Variants in PLBD2 observed in about 807,000 individuals in gnomAD.
PLBD2 encodes putative aminopeptidase PLBD2.
A neutral mutation model predicts 68.3 loss-of-function variants in PLBD2; 51 were observed. That is an observed-to-expected ratio of 0.75 (90% CI 0.60 to 0.94). PLBD2 has a LOEUF of 0.94. Ranked by LOEUF, PLBD2 falls within the 40% of genes least tolerant of loss-of-function variation. The pLI is 0.00. For synonymous variants in PLBD2, 314 were observed against 339.3 expected, an observed-to-expected ratio of 0.93 and a Z score of 0.82; for missense variants, 729 against 792.2, an observed-to-expected ratio of 0.92 and a Z score of 0.96.
At chr12:113,377,232 C>G (rs1957444391) in intron 5 of PLBD2, 1 of 152,170 alleles carries the variant, frequency 6.6e-6, no homozygotes, top group East Asian at 1.9e-4. Flanking sequence ...TAAGTAAACT[C>G]TAAATTGACA....
At chr12:113,360,049 C>T (rs559233146) in intron 1 of PLBD2, among the ~76,000 whole-genome samples, 31 of 152,366 alleles carry the variant, frequency 2.0e-4, no homozygotes, top group Admixed American at 5.2e-4. Flanking sequence ...ATCCATTTTA[C>T]TGGCATCCAT....
chr12:113,368,471 C>A (rs1308440725), intron 1 of PLBD2, among the ~76,000 whole-genome samples: 1 of 152,172 alleles, frequency 6.6e-6, no homozygotes, highest in Non-Finnish European at 1.5e-5. Flanking sequence ...ATGGTGATGG[C>A]AGAGGCACAA....
At chr12:113,376,283 C>T (rs1466141697) in intron 5 of PLBD2, among the ~76,000 whole-genome samples, 1 of 151,820 alleles carries the variant, frequency 6.6e-6, no homozygotes, top group African/African-American at 2.4e-5. Flanking sequence ...CCTGCCTCAG[C>T]CTCCCAAGTA....
intron 1 of PLBD2, 55 bp from the exon 2 acceptor site, chr12:113,369,061 T>C (rs2136905015): frequency 8.2e-7 from 1 of 1,222,168 alleles, no homozygotes; most frequent in South Asian, 1.3e-5. Context: ...GGAGATGCCA[T>C]GTGTCTAGCT....
chr12:113,381,889 G>A (rs375211523), intron 6 of PLBD2, among the ~76,000 whole-genome samples: 1 of 151,938 alleles, frequency 6.6e-6, no homozygotes, highest in African/African-American at 2.4e-5. Context: ...TGGTGTGATC[G>A]TGGCTCACTG....
At chr12:113,371,191 C>A (rs1405844553) in intron 2 of PLBD2, among the ~76,000 whole-genome samples, 1 of 152,160 alleles carries the variant, frequency 6.6e-6, no homozygotes, top group East Asian at 1.9e-4. Flanking sequence ...TGGAGTTGAA[C>A]CTGCATGTGC....
Position 113,384,876 on chromosome 12 carries a change from G to C in PLBD2, c.1144G>C (p.Asp382His). 1 of 1,611,004 alleles carries C rather than the reference G, an allele frequency of 6.2e-7. No individual in the cohort carries two copies. The highest frequency in any genetic ancestry group is 8.5e-7 in the Non-Finnish European group (1 of 1,178,370). Reference protein sequence around the residue: ...GTYNNQWMIVDYKAFIPGGPS... With the variant: ...GTYNNQWMIVHYKAFIPGGPS... The stretch of plus-strand genomic sequence containing the variant: ...GTATAACAACCAGTGGATGATCGTG[G>C]ACTACAAGGCGTTCATCCCGGGTGG... Residue 382 changes from aspartate to histidine, a missense_variant, in exon 8 of 12, where the codon GAC becomes CAC. Physicochemically the swap from Asp to His is moderately conservative, Grantham distance 81. Transcript: ENST00000280800. This position sits in a 1 kb window ranked among gnomAD's most constrained non-coding sequence, Gnocchi z 4.2.
chr12:113,390,990 TTATC>T lies in PLBD2; in HGVS notation c.*2368_*2371del, dbSNP rs1320805495. On this transcript the variant is annotated 3_prime_UTR_variant, in exon 12 of 12. Coordinates refer to ENST00000280800, the MANE Select transcript of PLBD2 (RefSeq NM_173542.4). ...TTAATATCCACCCATGCATCCATAT[TTATC>T]TATTTTCTATCCATCAGCCATCCAT... 1 of 152,106 alleles carries T rather than the reference TTATC, an allele frequency of 6.6e-6. No homozygotes were observed. Among genetic ancestry groups the T allele is most frequent in the Non-Finnish European group, 1.5e-5 (1 of 68,018 alleles). 9.4% of individuals were successfully genotyped at this position (152,106 alleles called of 1,614,324 possible). A position where few individuals can be genotyped will look rare whatever the true frequency, so the allele number is the denominator to read the frequency against.
Position 113,389,704 on chromosome 12 carries a change from T to TTTTTTG in PLBD2, c.*1090_*1095dup, listed in dbSNP as rs1957590657. 6.6e-6 allele frequency: 1 copy of TTTTTTG among 151,866 alleles called. No individual in the cohort carries two copies. Among genetic ancestry groups the TTTTTTG allele is most frequent in the African/African-American group, 2.4e-5 (1 of 41,326 alleles). The allele number at this position is 151,866 out of a possible 1,614,324, so 9.4% of individuals were successfully genotyped here. ...TGTCCATTTTCTTTCTTCTTCTTTT[T>TTTTTTG]TTTTTGTTTTTGTTTTTTCTGAGTG... is the stretch of plus-strand genomic sequence containing the variant. On this transcript the variant is annotated 3_prime_UTR_variant, in exon 12 of 12. Coordinates refer to ENST00000280800, the MANE Select transcript of PLBD2 (RefSeq NM_173542.4).
intron 6 of PLBD2, among the ~76,000 whole-genome samples, chr12:113,382,835 T>TTTTTTTG (rs1335785271): frequency 5.6e-5 from 6 of 106,534 alleles, no homozygotes; most frequent in African/African-American, 1.9e-4. Flanking sequence ...TGGTGGTTTT[T>TTTTTTTG]TGTGTGTGTG....
intron 5 of PLBD2, among the ~76,000 whole-genome samples, chr12:113,377,784 G>C (rs567478477): frequency 6.6e-6 from 1 of 152,300 alleles, no homozygotes; most frequent in East Asian, 1.9e-4. Flanking sequence ...AGATTCATCT[G>C]TATTACTGTG....
chr12:113,385,333 C>T (rs1489710148), intron 9 of PLBD2, 50 bp downstream of exon 9: 1 of 1,516,702 alleles, frequency 6.6e-7, no homozygotes, highest in Non-Finnish European at 9.1e-7. Flanking sequence ...GCATCCACCT[C>T]ACTCCTTGCC....
Position 113,384,146 on chromosome 12 carries a change from G to C in PLBD2, c.999G>C (p.Leu333=). 6.2e-7 allele frequency: 1 copy of C among 1,613,740 alleles called. No homozygotes were observed. The highest frequency in any genetic ancestry group is 1.1e-5 in the South Asian group (1 of 91,032). Residue 333 remains leucine, a synonymous_variant, in exon 7 of 12, where the codon CTG becomes CTC. Coordinates refer to ENST00000280800, the MANE Select transcript of PLBD2 (RefSeq NM_173542.4). This position sits in a 1 kb window ranked among gnomAD's most constrained non-coding sequence, Gnocchi z 4.2. ...CCATTGGCAACAAGAACCCAGCCCT[G>C]TGGAAGTATGTGCGGCCCAGGGGCT... ...ETTIGNKNPA[L]WKYVRPRGCV... is the part of the protein sequence containing the mutation.
At chr12:113,376,163 A>AT (rs34142556) in intron 5 of PLBD2, among the ~76,000 whole-genome samples, 2,698 of 115,250 alleles carry the variant, frequency 0.023, 52 homozygotes, top group African/African-American at 0.052. Flanking sequence ...TTGACACAGC[A>AT]TTTTTTTTTT....
At chr12:113,378,285 C>T (rs1024634169) in intron 5 of PLBD2, among the ~76,000 whole-genome samples, 1 of 149,136 alleles carries the variant, frequency 6.7e-6, no homozygotes, top group Non-Finnish European at 1.5e-5. Flanking sequence ...GAGTCGGCCT[C>T]TGTCTCAAAA....
chr12:113,367,640 C>G (rs934768725), intron 1 of PLBD2, among the ~76,000 whole-genome samples: 3 of 151,056 alleles, frequency 2.0e-5, no homozygotes, highest in Admixed American at 2.0e-4. Context: ...GTTCTAGCTA[C>G]TCAGGAGGCG....
At position 113,384,082 on chromosome 12, in the gene PLBD2, C is replaced by T; in HGVS notation, c.958-23C>T. The stretch of plus-strand genomic sequence containing the variant: ...GTGGCAGCATGCCTAGGCTGTGCAG[C>T]AGCCCCCTTGACCTTCCCACAGGTG... On this transcript the variant is annotated intron_variant, in intron 6 of 11. Transcript: ENST00000280800. This position sits in a 1 kb window ranked among gnomAD's most constrained non-coding sequence, Gnocchi z 4.2. 3 of 1,573,044 alleles carry T rather than the reference C, an allele frequency of 1.9e-6. No homozygotes were observed. The highest frequency in any genetic ancestry group is 2.6e-6 in the Non-Finnish European group (3 of 1,154,932).
intron 1 of PLBD2, among the ~76,000 whole-genome samples, chr12:113,366,536 G>GTGCCATTTTGCTCACTGC (rs1957343709): frequency 6.6e-6 from 1 of 151,988 alleles, no homozygotes; most frequent in African/African-American, 2.4e-5. Context: ...GAGTGCAGTG[G>GTGCCATTTTGCTCACTGC]AATGATCATA....
At chr12:113,387,398 G>A (rs1029406746) in intron 10 of PLBD2, among the ~76,000 whole-genome samples, 3 of 152,194 alleles carry the variant, frequency 2.0e-5, no homozygotes, top group African/African-American at 7.2e-5. Flanking sequence ...CTTGGGCGGT[G>A]CAGAAATCCA....
Sources: gnomAD v4.1 joint callset for allele counts (sites outside exome capture counted in the v4.1 genomes callset) on GRCh38, gnomAD v4.1.1 for gene constraint, Gnocchi (gnomAD v3.1) non-coding constraint, MANE v1.5 for transcripts, NCBI Gene and HGNC (gene_info 2026-07-23, HGNC 2026-07-21) for gene names.